CDH23: variants seen among roughly 807,000 people sequenced by gnomAD.
CDH23 encodes the protein cadherin-23.
Under a neutral mutation model 317.1 loss-of-function variants are expected in CDH23, and 189 were observed. The observed-to-expected ratio is 0.60, with a 90% CI of 0.53 to 0.67. The LOEUF (loss-of-function observed/expected upper bound fraction) is 0.67, where lower values mean the gene tolerates loss of function less well. Ranked by LOEUF, CDH23 falls within the 30% of genes least tolerant of loss-of-function variation. The pLI, the probability that CDH23 is intolerant of heterozygous loss-of-function variation, is 0.00. For synonymous variants in CDH23, 1,839 were observed against 1,876.8 expected (o/e 0.98, Z 0.52); for missense variants, 4,401 against 4,592.4 (o/e 0.96, Z 1.20).
intron 14 of CDH23, among the ~76,000 whole-genome samples, chr10:71,664,785 C>T (rs1319078548): frequency 3.9e-5 from 6 of 152,006 alleles, no homozygotes; most frequent in Admixed American, 3.9e-4. Context: ...GTGATTACTC[C>T]TTCTGTTCTT....
chr10:71,759,829 A>ACACACACACACG lies in CDH23; in HGVS notation c.4846-17840_4846-17839insGCACACACACAC, dbSNP rs1564779060. On this transcript the variant is annotated intron_variant, in intron 38 of 69. Transcript: ENST00000224721. ...CGTGTTTCAGAAAATATACACACAC[A>ACACACACACACG]CACACACACACACACACATATACAC... Among the ~76,000 whole-genome samples the ACACACACACACG allele has an allele frequency of 4.5e-5, 3 of 66,076 alleles. 1 individual carries two copies. Among genetic ancestry groups the ACACACACACACG allele is most frequent in the African/African-American group, 1.3e-4 (3 of 23,206 alleles). The allele number at this position is 66,076 out of a possible 152,430, so 43.3% of individuals were successfully genotyped here.
chr10:71,781,399 G>A (rs562228950), intron 41 of CDH23, among the ~76,000 whole-genome samples: 1 of 152,294 alleles, frequency 6.6e-6, no homozygotes, highest in East Asian at 1.9e-4. Context: ...TTTCTCTTCT[G>A]CTGTTTTCAC....
At chr10:71,702,487 T>A (rs1157146022) in intron 23 of CDH23, 62 bp from the exon 24 acceptor site, 2 of 1,598,076 alleles carry the variant, frequency 1.3e-6, no homozygotes, top group Non-Finnish European at 1.7e-6. Flanking sequence ...CTTCTTCCTG[T>A]CCGTTTTCTC....
intron 38 of CDH23, chr10:71,762,075 C>G: frequency 6.5e-7 from 1 of 1,529,090 alleles, no homozygotes; most frequent in Non-Finnish European, 8.8e-7. Context: ...CAGTGCTACT[C>G]CTGGCAACCC....
At chr10:71,712,372 G>GT (rs1866007333) in intron 27 of CDH23, 2 of 328,692 alleles carry the variant, frequency 6.1e-6, no homozygotes, top group East Asian at 1.0e-4. Context: ...ATCCACTTGA[G>GT]TGCCTCAGTT....
intron 55 of CDH23, among the ~76,000 whole-genome samples, chr10:71,805,519 C>A (rs1160490495): frequency 1.3e-5 from 2 of 152,216 alleles, no homozygotes; most frequent in Middle Eastern, 3.2e-3. Flanking sequence ...GCGGAGGCAG[C>A]TCCTGGGAAG....
chr10:71,450,262 C>CT (rs71018209), intron 3 of CDH23, among the ~76,000 whole-genome samples: 1 of 102,386 alleles, frequency 9.8e-6, no homozygotes, highest in Non-Finnish European at 2.0e-5. Context: ...CCTGAATCTA[C>CT]TTTTTTTTTT....
At chr10:71,738,897 G>T (rs1195094414) in intron 35 of CDH23, among the ~76,000 whole-genome samples, 1 of 152,242 alleles carries the variant, frequency 6.6e-6, no homozygotes, top group Non-Finnish European at 1.5e-5. Context: ...ACCCCTCAGT[G>T]AAGTTGTTTT....
chr10:71,784,880 G>A lies in CDH23; in HGVS notation c.5503-11G>A, dbSNP rs1237152466. 2 of 1,611,776 alleles carry A rather than the reference G, an allele frequency of 1.2e-6. No individual in the cohort carries two copies. The highest frequency in any genetic ancestry group is 1.3e-5 in the African/African-American group (1 of 74,938). On this transcript the variant is annotated splice_polypyrimidine_tract_variant and intron_variant, in intron 42 of 69. Transcript: ENST00000224721. ...TTCCTCCCCTCCCTCCTCCTTCTCTGACTGGCCCAGATGCTGGTGGGGATC... is the reference window on the plus strand; with the variant it reads ...TTCCTCCCCTCCCTCCTCCTTCTCTAACTGGCCCAGATGCTGGTGGGGATC...
chr10:71,466,319 T>A (rs574410602), intron 3 of CDH23, among the ~76,000 whole-genome samples: 1 of 152,262 alleles, frequency 6.6e-6, no homozygotes, highest in Admixed American at 6.5e-5. Flanking sequence ...TCCCTTCCCA[T>A]GTATATGAGC....
chr10:71,440,009 A>G (rs1849800789), intron 2 of CDH23, 111 bp downstream of exon 2: 3 of 821,054 alleles, frequency 3.7e-6, no homozygotes, highest in African/African-American at 3.4e-5. Context: ...CTCTGGAGAC[A>G]CTGTCTTACT....
chr10:71,614,259 ATC>A (rs1266823506), intron 9 of CDH23, among the ~76,000 whole-genome samples: 1 of 152,260 alleles, frequency 6.6e-6, no homozygotes, highest in Non-Finnish European at 1.5e-5. Context: ...GCACGCTGAC[ATC>A]TGCATGCCCA....
rs1842089243 is a variant in CDH23, at chr10:71,815,119, G to C, written c.9906G>C (p.Glu3302Asp). The C allele has an allele frequency of 6.2e-7, 1 of 1,611,434 alleles. No individual in the cohort carries two copies. The highest frequency in any genetic ancestry group is 1.7e-5 in the Admixed American group (1 of 59,796). ...LLATDLNSLP[E>D]EDQKGLGRSL... ...CCACCGACCTCAACAGCCTGCCCGA[G>C]GAAGACCAGAAGGGCCTGGGCCGCT... The change falls in exon 70 of 70, where the codon GAG (glutamate) becomes GAC (aspartate). Residue 3302 changes from glutamate (E) to aspartate (D), a missense_variant. Glu to Asp is a conservative substitution (Grantham distance 45). This residue lies in a region of CDH23 where 1,144 missense variants were observed against 1,138.2 expected (regional missense o/e 1.01). Coordinates refer to ENST00000224721, the MANE Select transcript of CDH23 (RefSeq NM_022124.6).
At chr10:71,462,488 A>G (rs1456558863) in intron 3 of CDH23, among the ~76,000 whole-genome samples, 1 of 152,180 alleles carries the variant, frequency 6.6e-6, no homozygotes, top group African/African-American at 2.4e-5. Context: ...TCAAGAGTGA[A>G]TGGTCAAGCC....
chr10:71,668,263 G>T (rs1459006735), intron 14 of CDH23, among the ~76,000 whole-genome samples: 1 of 152,144 alleles, frequency 6.6e-6, no homozygotes, highest in Non-Finnish European at 1.5e-5. Context: ...CAAGCAGAAC[G>T]TAGGGAGCAG....
rs1190337830 is a variant in CDH23, at chr10:71,595,973, A to T, written c.832+17981A>T. ...GGGAAACTGAAGCCCACACCAACTG[A>T]CTTTCCTCCATGGTCCGTGTGACTC... is the stretch of plus-strand genomic sequence containing the variant. On this transcript the variant is annotated intron_variant, in intron 9 of 69. Transcript: ENST00000224721. 6.6e-5 allele frequency among the ~76,000 whole-genome samples: 10 copies of T among 151,930 alleles called. 1 individual carries two copies.
At chr10:71,587,218 C>T (rs1859136605) in intron 9 of CDH23, among the ~76,000 whole-genome samples, 1 of 152,236 alleles carries the variant, frequency 6.6e-6, no homozygotes, top group Non-Finnish European at 1.5e-5. Flanking sequence ...CTAAAACTCA[C>T]ATTTTTTTTC....
intron 40 of CDH23, among the ~76,000 whole-genome samples, chr10:71,778,758 C>T (rs1840878383): frequency 6.6e-6 from 1 of 152,076 alleles, no homozygotes; most frequent in African/African-American, 2.4e-5. Flanking sequence ...ATGGGCAGTA[C>T]TATTATTATT....
chr10:71,702,727 A>G (rs776989569), intron 24 of CDH23, 33 bp downstream of exon 24: 6 of 1,612,666 alleles, frequency 3.7e-6, no homozygotes, highest in Non-Finnish European at 5.1e-6. Flanking sequence ...CTACCAGCCC[A>G]GAGGTGGGCA....
Sources: gnomAD v4.1 joint callset for allele counts (sites outside exome capture counted in the v4.1 genomes callset) on GRCh38, gnomAD v4.1.1 for gene constraint, gnomAD v4.1.1 regional missense constraint, MANE v1.5 for transcripts, NCBI Gene and HGNC (gene_info 2026-07-23, HGNC 2026-07-21) for gene names.